The following CHCHD3 variants were observed in gnomAD, a reference collection of about 807,000 sequenced individuals.
CHCHD3 encodes the protein coiled-coil-helix-coiled-coil-helix domain containing 3, also known as MICOS complex subunit MIC19.
A neutral mutation model predicts 38.2 loss-of-function variants in CHCHD3; 20 were observed. That is an observed-to-expected ratio of 0.52 (90% CI 0.37 to 0.76). The LOEUF (loss-of-function observed/expected upper bound fraction) is 0.76. CHCHD3 is among the 30% of genes least tolerant of loss of function. The probability of loss-of-function intolerance (pLI) is 0.00; values close to 1 mark genes in which losing one functional copy is unlikely to be tolerated. For synonymous variants in CHCHD3, 82 were observed against 100.0 expected (o/e 0.82, Z 1.07); for missense variants, 245 against 279.2 (o/e 0.88, Z 0.87).
intron 6 of CHCHD3, among the ~76,000 whole-genome samples, chr7:132,796,944 C>A (rs1806633681): frequency 6.6e-6 from 1 of 152,216 alleles, no homozygotes; most frequent in African/African-American, 2.4e-5. Flanking sequence ...CGGCCTGGTC[C>A]TCCTGCTCCA....
intron 6 of CHCHD3, among the ~76,000 whole-genome samples, chr7:132,824,010 A>G (rs1807445510): frequency 6.6e-6 from 1 of 152,108 alleles, no homozygotes; most frequent in South Asian, 2.1e-4. Context: ...ATCAGAACTA[A>G]TCTTTACTAT....
At chr7:132,816,907 A>G (rs961729546) in intron 6 of CHCHD3, among the ~76,000 whole-genome samples, 1 of 152,240 alleles carries the variant, frequency 6.6e-6, no homozygotes, top group Admixed American at 6.5e-5. Flanking sequence ...GAACGGCCAA[A>G]TCTTGCCAGA....
chr7:133,006,204 G>T (rs1471118939), intron 3 of CHCHD3, among the ~76,000 whole-genome samples: 1 of 152,038 alleles, frequency 6.6e-6, no homozygotes, highest in African/African-American at 2.4e-5. Flanking sequence ...AGTGGCTCAC[G>T]CCTGTAATCC....
At chr7:133,046,365 A>G (rs924507426) in intron 2 of CHCHD3, among the ~76,000 whole-genome samples, 4 of 152,242 alleles carry the variant, frequency 2.6e-5, no homozygotes, top group African/African-American at 7.2e-5. Flanking sequence ...TTTGTCACCA[A>G]TAGAAATCAC....
At chr7:132,902,777 C>G (rs1809702039) in intron 4 of CHCHD3, among the ~76,000 whole-genome samples, 1 of 152,022 alleles carries the variant, frequency 6.6e-6, no homozygotes, top group South Asian at 2.1e-4. Context: ...TGTAACAAAC[C>G]TACACGTTGT....
chr7:132,851,510 C>G (rs976341795), intron 5 of CHCHD3, among the ~76,000 whole-genome samples: 12 of 152,194 alleles, frequency 7.9e-5, no homozygotes, highest in Non-Finnish European at 1.5e-4. Flanking sequence ...CAGTCATCCA[C>G]ACTCACCTTT....
At chr7:133,009,361 CTCAAAAAAAAA>C (rs1483375639) in intron 3 of CHCHD3, among the ~76,000 whole-genome samples, 1 of 89,568 alleles carries the variant, frequency 1.1e-5, no homozygotes, top group African/African-American at 4.4e-5. Flanking sequence ...GAGACTCTGT[CTCAAAAAAAAA>C]AAAAAAAAAA....
intron 6 of CHCHD3, among the ~76,000 whole-genome samples, chr7:132,821,862 A>C (rs1052000565): frequency 4.8e-5 from 7 of 144,616 alleles, no homozygotes; most frequent in African/African-American, 1.8e-4. Flanking sequence ...TCCCGGGTTC[A>C]CGCCATTCTC....
At chr7:133,078,816 A>G (rs1270937965) in intron 1 of CHCHD3, among the ~76,000 whole-genome samples, 1 of 152,224 alleles carries the variant, frequency 6.6e-6, no homozygotes, top group Non-Finnish European at 1.5e-5. Context: ...ATTTCTTACA[A>G]CCAATGACAT....
chr7:132,910,967 A>G (rs534633951), intron 4 of CHCHD3, among the ~76,000 whole-genome samples: 1 of 152,342 alleles, frequency 6.6e-6, no homozygotes, highest in East Asian at 1.9e-4. Context: ...ACACAAGGAG[A>G]AGAAAAACTA....
At chr7:132,901,649 T>G (rs1030694076) in intron 4 of CHCHD3, among the ~76,000 whole-genome samples, 1 of 152,232 alleles carries the variant, frequency 6.6e-6, no homozygotes, top group African/African-American at 2.4e-5. Flanking sequence ...TTCGCCTACT[T>G]GTTGATGGGG....
chr7:132,823,207 T>C (rs1325941139), intron 6 of CHCHD3, among the ~76,000 whole-genome samples: 3 of 152,142 alleles, frequency 2.0e-5, no homozygotes, highest in African/African-American at 7.2e-5. Context: ...AAAAAAATAC[T>C]TCCTTGATAA....
chr7:132,798,909 G>A (rs773317921), intron 6 of CHCHD3, among the ~76,000 whole-genome samples: 5 of 152,016 alleles, frequency 3.3e-5, no homozygotes, highest in Non-Finnish European at 5.9e-5. Context: ...AAGTCCATGC[G>A]TTATTTATGA....
chr7:132,788,975 C>T lies in CHCHD3; in HGVS notation c.661-3315G>A, dbSNP rs1054011583. On this transcript the variant is annotated intron_variant, in intron 7 of 7. Transcript: ENST00000262570. This position sits in a 1 kb window ranked among gnomAD's most constrained non-coding sequence, Gnocchi z 4.0. ...GCTGGATTTTTAAAAAAGATGAATTCATCTGTCAAACATTTTGGGTTATTA... is the reference window on the plus strand; with the variant it reads ...GCTGGATTTTTAAAAAAGATGAATTTATCTGTCAAACATTTTGGGTTATTA... 4.6e-5 allele frequency among the ~76,000 whole-genome samples: 7 copies of T among 152,186 alleles called. No homozygotes were observed. The highest frequency in any genetic ancestry group is 7.3e-5 in the Non-Finnish European group (5 of 68,034).
At chr7:132,789,612 T>C (rs1339450759) in intron 7 of CHCHD3, among the ~76,000 whole-genome samples, 1 of 151,910 alleles carries the variant, frequency 6.6e-6, no homozygotes, top group African/African-American at 2.4e-5. Flanking sequence ...CTTGGAGGGG[T>C]TGACTATCAT....
In CHCHD3 at chr7:132,918,727, G is replaced by C. The variant is rs528238132; in HGVS notation, c.370-32982C>G. Among the ~76,000 whole-genome samples, 10 of 152,280 alleles carry C rather than the reference G, an allele frequency of 6.6e-5. No individual in the cohort carries two copies. The South Asian group carries it at 2.1e-3, about 32-fold the overall frequency. On this transcript the variant is annotated intron_variant, in intron 4 of 7. Transcript: ENST00000262570. ...GTCCTCTTGCCTATACCTAATTCAA[G>C]AGCAAGTTTTTAAGTAGATCACCTT... is the stretch of plus-strand genomic sequence containing the variant.
chr7:132,818,326 T>C (rs1807258916), intron 6 of CHCHD3, among the ~76,000 whole-genome samples: 1 of 152,236 alleles, frequency 6.6e-6, no homozygotes, highest in Non-Finnish European at 1.5e-5. Context: ...CTGCCACTAA[T>C]GCAAGCAAGG....
chr7:132,850,341 T>C (rs1808183994), intron 5 of CHCHD3, among the ~76,000 whole-genome samples: 1 of 151,972 alleles, frequency 6.6e-6, no homozygotes. Context: ...CCATCTTTAC[T>C]CTTTCTTATA....
chr7:132,985,561 A>C (rs1405924208), intron 3 of CHCHD3, among the ~76,000 whole-genome samples: 1 of 76,548 alleles, frequency 1.3e-5, no homozygotes, highest in East Asian at 5.4e-4. Context: ...TGGGGGGGTC[A>C]GCCCCCCTCC....
Sources: allele counts gnomAD v4.1 joint callset (sites outside exome capture counted in the v4.1 genomes callset), GRCh38; gene constraint gnomAD v4.1.1; non-coding constraint Gnocchi (gnomAD v3.1); transcripts MANE v1.5; gene names NCBI Gene and HGNC (gene_info 2026-07-23, HGNC 2026-07-21).